Variants in STX8 observed in about 807,000 individuals in gnomAD.
The protein encoded by STX8 is syntaxin-8.
STX8 carries 23 observed loss-of-function variants against 37.5 expected under a neutral mutation model. That is an observed-to-expected ratio of 0.61 (90% CI 0.44 to 0.87). The LOEUF is 0.87. Ranked by LOEUF, STX8 falls within the 40% of genes least tolerant of loss-of-function variation. The probability of loss-of-function intolerance (pLI) is 0.00; values close to 1 mark genes in which losing one functional copy is unlikely to be tolerated. For synonymous variants in STX8, 115 were observed against 99.1 expected (o/e 1.16, Z -0.95); for missense variants, 313 against 284.7 (o/e 1.10, Z -0.71).
intron 2 of STX8, among the ~76,000 whole-genome samples, chr17:9,559,758 A>T (rs867500922): frequency 0.31 from 8,787 of 27,994 alleles, 602 homozygotes; most frequent in South Asian, 0.4. Context: ...ATATATATAT[A>T]TATTTTTTTT....
At chr17:9,569,006 A>G (rs1567613586) in intron 1 of STX8, among the ~76,000 whole-genome samples, 1 of 152,228 alleles carries the variant, frequency 6.6e-6, no homozygotes, top group Non-Finnish European at 1.5e-5. Flanking sequence ...AGTGGGTACC[A>G]TTACCATCTC....
intron 7 of STX8, among the ~76,000 whole-genome samples, chr17:9,252,395 G>C (rs1344466982): frequency 6.6e-6 from 1 of 151,448 alleles, no homozygotes; most frequent in Non-Finnish European, 1.5e-5. Flanking sequence ...AGTGAGCCGA[G>C]ATTGCGCCAC....
chr17:9,535,450 T>TTTTTTTTTTTTTA (rs1906000350), intron 4 of STX8, among the ~76,000 whole-genome samples: 1 of 133,306 alleles, frequency 7.5e-6, no homozygotes, highest in Admixed American at 7.5e-5. Context: ...TTTTTTTTTT[T>TTTTTTTTTTTTTA]GAGACGGAGT....
At chr17:9,573,684 T>C (rs1421532930) in intron 1 of STX8, among the ~76,000 whole-genome samples, 2 of 152,172 alleles carry the variant, frequency 1.3e-5, no homozygotes, top group African/African-American at 4.8e-5. Context: ...GTTCACAGTA[T>C]CAAGGGCCTT....
chr17:9,563,372 C>T (rs1304060834), intron 2 of STX8, among the ~76,000 whole-genome samples: 4 of 151,780 alleles, frequency 2.6e-5, no homozygotes, highest in Admixed American at 6.6e-5. Flanking sequence ...TTAGTAGAGA[C>T]GGGGTTTCAC....
intron 6 of STX8, among the ~76,000 whole-genome samples, chr17:9,446,306 T>G (rs969226505): frequency 2.0e-4 from 31 of 152,226 alleles, no homozygotes; most frequent in African/African-American, 7.0e-4. Context: ...GGAAGCCAAC[T>G]TAGCAACACT....
intron 5 of STX8, among the ~76,000 whole-genome samples, chr17:9,492,413 T>C (rs1247979480): frequency 1.3e-5 from 2 of 152,224 alleles, no homozygotes; most frequent in African/African-American, 2.4e-5. Flanking sequence ...ATTGTGACGA[T>C]CTAGAAGCTC....
At chr17:9,365,867 G>A (rs1365763759) in intron 7 of STX8, among the ~76,000 whole-genome samples, 1 of 152,218 alleles carries the variant, frequency 6.6e-6, no homozygotes. Context: ...CAGCTACTCA[G>A]GAGGCTGAGG....
At chr17:9,400,169 C>T (rs1347362858) in intron 6 of STX8, among the ~76,000 whole-genome samples, 2 of 149,718 alleles carry the variant, frequency 1.3e-5, no homozygotes, top group African/African-American at 4.9e-5. Flanking sequence ...GTGGCGCGAT[C>T]TTGGCTAACT....
chr17:9,539,317 G>A (rs187333693), intron 4 of STX8, among the ~76,000 whole-genome samples: 1 of 152,270 alleles, frequency 6.6e-6, no homozygotes, highest in African/African-American at 2.4e-5. Context: ...GGAAGAAAGA[G>A]AGGAAAAGAG....
intron 7 of STX8, among the ~76,000 whole-genome samples, chr17:9,324,023 CA>C (rs1396892342): frequency 6.6e-6 from 1 of 151,942 alleles, no homozygotes; most frequent in African/African-American, 2.4e-5. Context: ...AAGATTTTAA[CA>C]GATGAGAAAA....
At chr17:9,263,323 CA>C (rs926439096) in intron 7 of STX8, among the ~76,000 whole-genome samples, 1 of 151,940 alleles carries the variant, frequency 6.6e-6, no homozygotes, top group Non-Finnish European at 1.5e-5. Flanking sequence ...ACTAAAAATA[CA>C]AAAAAATTAG....
At chr17:9,349,601 C>T (rs1327132931) in intron 7 of STX8, among the ~76,000 whole-genome samples, 1 of 152,132 alleles carries the variant, frequency 6.6e-6, no homozygotes, top group Admixed American at 6.5e-5. Flanking sequence ...GGATTACAGG[C>T]ATTAGCCACC....
intron 5 of STX8, among the ~76,000 whole-genome samples, chr17:9,499,447 G>A (rs1374374734): frequency 6.6e-6 from 1 of 152,170 alleles, no homozygotes; most frequent in African/African-American, 2.4e-5. Context: ...TCGCCAGGCT[G>A]GAGTGTAGTA....
At chr17:9,550,678 G>T (rs1906727064) in intron 3 of STX8, among the ~76,000 whole-genome samples, 1 of 152,216 alleles carries the variant, frequency 6.6e-6, no homozygotes, top group Admixed American at 6.5e-5. Flanking sequence ...GTAGCCTGGT[G>T]AGCATTTGAA....
chr17:9,436,255 G>A (rs1180398216), intron 6 of STX8, among the ~76,000 whole-genome samples: 1 of 151,204 alleles, frequency 6.6e-6, no homozygotes, highest in Non-Finnish European at 1.5e-5. Context: ...TGAGGCAGGA[G>A]AATGGCATGA....
chr17:9,453,509 T>C (rs894919171), intron 6 of STX8, among the ~76,000 whole-genome samples: 11 of 127,156 alleles, frequency 8.7e-5, no homozygotes, highest in Non-Finnish European at 1.8e-4. Flanking sequence ...TTTTTTTTTT[T>C]TGAGATGGGG....
At chr17:9,440,652 G>A (rs1904612584) in intron 6 of STX8, among the ~76,000 whole-genome samples, 1 of 151,918 alleles carries the variant, frequency 6.6e-6, no homozygotes, top group Admixed American at 6.6e-5. Flanking sequence ...AGCCTCCTGA[G>A]TAGCTGGGAT....
At chr17:9,538,172 C>T (rs1238928312) in intron 4 of STX8, among the ~76,000 whole-genome samples, 3 of 152,172 alleles carry the variant, frequency 2.0e-5, no homozygotes, top group Non-Finnish European at 4.4e-5. Flanking sequence ...ACGTAGAGGA[C>T]AAAGCAAATC....
Sources: allele counts gnomAD v4.1 joint callset (sites outside exome capture counted in the v4.1 genomes callset), GRCh38; gene constraint gnomAD v4.1.1; transcripts MANE v1.5; gene names NCBI Gene and HGNC (gene_info 2026-07-23, HGNC 2026-07-21).